Variants in HMGN2 observed in about 807,000 individuals in gnomAD.
HMGN2 encodes high mobility group nucleosomal binding domain 2.
Under a neutral mutation model 16.9 loss-of-function variants are expected in HMGN2, and 2 were observed. The observed-to-expected ratio is 0.12, with a 90% CI of 0.05 to 0.37. HMGN2 has a LOEUF of 0.37. Among genes scored for constraint, HMGN2 ranks in the 10% least tolerant of loss-of-function variants. HMGN2 has a pLI of 1.00. For synonymous variants in HMGN2, 31 were observed against 34.9 expected, an observed-to-expected ratio of 0.89 and a Z score of 0.39; for missense variants, 90 against 106.0, an observed-to-expected ratio of 0.85 and a Z score of 0.66.
In HMGN2 at chr1:26,472,696, C is replaced by T. The variant is rs562932295; in HGVS notation, c.15+69C>T. ...CACCGCCGCCGCCGCCTCCCTGGTG[C>T]AGGGAGCGAGAATCGGCGCCGAGCA... On this transcript the variant is annotated intron_variant, in intron 1 of 5. Coordinates refer to ENST00000361427, the MANE Select transcript of HMGN2 (RefSeq NM_005517.4). 823 of 1,405,692 alleles carry T rather than the reference C, an allele frequency of 5.9e-4. 5 individuals are homozygous for T. In the African/African-American group the frequency reaches 0.011, roughly 18 times the overall value. The allele number at this position is 1,405,692 out of a possible 1,614,324, so 87.1% of individuals were successfully genotyped here.
rs1291473832 is a variant in HMGN2 at position 26,474,637 on chromosome 1, T to C, written c.207T>C (p.Pro69=). The change falls in exon 5 of 6, where the codon CCT becomes CCC. Residue 69 remains proline (P), a synonymous_variant. Coordinates refer to ENST00000361427, the MANE Select transcript of HMGN2 (RefSeq NM_005517.4). ...ATGCTGGCAAGGAGGGGAATAACCC[T>C]GCAGAAAATGGAGATGCCAAAACAG... ...KADAGKEGNN[P]AENGDAKTDQ... 1 of 1,581,790 alleles carries C rather than the reference T, an allele frequency of 6.3e-7. No homozygotes were observed. The highest frequency in any genetic ancestry group is 1.7e-5 in the Admixed American group (1 of 59,572).
At position 26,476,453 on chromosome 1, in the gene HMGN2, C is replaced by T. The variant is rs754501024; in HGVS notation, c.*1305C>T. ...CTTTGCTCCTAAGTAGACCTGCAAA[C>T]AAAGACAATGGGGTCTTTCCTGATT... On this transcript the variant is annotated 3_prime_UTR_variant, in exon 6 of 6. Coordinates refer to ENST00000361427, the MANE Select transcript of HMGN2 (RefSeq NM_005517.4). Among the ~76,000 whole-genome samples the T allele has an allele frequency of 6.6e-6, 1 of 152,168 alleles. No individual in the cohort carries two copies. Among genetic ancestry groups the T allele is most frequent in the African/African-American group, 2.4e-5 (1 of 41,442 alleles).
At chr1:26,473,409 T>A in intron 1 of HMGN2, 74 bp from the exon 2 acceptor site, 2 of 1,064,558 alleles carry the variant, frequency 1.9e-6, no homozygotes. Context: ...ATTTTCATTT[T>A]TAGCACTCTA....
chr1:26,472,915 C>G (rs2075582159), intron 1 of HMGN2, among the ~76,000 whole-genome samples: 1 of 152,010 alleles, frequency 6.6e-6, no homozygotes. Flanking sequence ...TGCCCCCTCC[C>G]CCATCGCGAG....
chr1:26,473,304 T>G, intron 1 of HMGN2, 179 bp from the exon 2 acceptor site: 13 of 548,202 alleles, frequency 2.4e-5, no homozygotes, highest in South Asian at 4.8e-5. Context: ...CTTCTCGGGG[T>G]CGGCGAGCCG....
rs986381455 is a variant in HMGN2, at chr1:26,476,006, A to G, written c.*858A>G. 2 of 292,892 alleles carry G rather than the reference A, an allele frequency of 6.8e-6. No individual in the cohort carries two copies. Among genetic ancestry groups the G allele is most frequent in the African/African-American group, 4.5e-5 (2 of 44,246 alleles). The allele number at this position is 292,892 out of a possible 1,614,324, so 18.1% of individuals were successfully genotyped here. ...CTGATCTTTTCCCACAAGTGGGGTA[A>G]CCTGGTTTATCCAAGTCTCTTGGAA... is the stretch of plus-strand genomic sequence containing the variant. On this transcript the variant is annotated 3_prime_UTR_variant, in exon 6 of 6. Coordinates refer to ENST00000361427, the MANE Select transcript of HMGN2 (RefSeq NM_005517.4).
At position 26,474,576 on chromosome 1, in the gene HMGN2, G is replaced by C. The variant is rs541989218; in HGVS notation, c.146G>C (p.Gly49Ala). The change falls in exon 5 of 6, where the codon GGA (glycine) becomes GCA (alanine). Residue 49 changes from glycine (G) to alanine (A), a missense_variant. Physicochemically the swap from Gly to Ala is moderately conservative, Grantham distance 60. Coordinates refer to ENST00000361427, the MANE Select transcript of HMGN2 (RefSeq NM_005517.4). The part of the protein sequence containing the change: ...PKPKKAPAKK[G>A]EKVPKGKKGK... ...CTATTTTTTCCCCTTTTTCAGAAGGGAGAGAAGGTACCCAAAGGGAAAAAG... is the reference window on the plus strand; with the variant it reads ...CTATTTTTTCCCCTTTTTCAGAAGGCAGAGAAGGTACCCAAAGGGAAAAAG... The C allele has an allele frequency of 2.0e-6, 3 of 1,519,518 alleles. No individual in the cohort carries two copies. The highest frequency in any genetic ancestry group is 3.4e-5 in the Admixed American group (2 of 58,910). The allele number at this position is 1,519,518 out of a possible 1,614,324, so 94.1% of individuals were successfully genotyped here. A position where few individuals can be genotyped will look rare whatever the true frequency, so the allele number is the denominator to read the frequency against.
intron 5 of HMGN2, 90 bp downstream of exon 5, chr1:26,474,757 C>T: frequency 1.4e-6 from 1 of 713,876 alleles, no homozygotes; most frequent in African/African-American, 1.7e-5. Flanking sequence ...TGTATCACTC[C>T]AAATGTACCA....
chr1:26,475,068 G>T, intron 5 of HMGN2, 45 bp from the exon 6 acceptor site: 1 of 1,544,622 alleles, frequency 6.5e-7, no homozygotes, highest in Non-Finnish European at 8.9e-7. Flanking sequence ...AACACAGATA[G>T]TTTTGAAATC....
intron 1 of HMGN2, among the ~76,000 whole-genome samples, chr1:26,472,966 C>G (rs1301807021): frequency 6.6e-6 from 1 of 151,930 alleles, no homozygotes; most frequent in Non-Finnish European, 1.5e-5. Context: ...CAATTCAAAC[C>G]CGAAAGGGCG....
In HMGN2 at chr1:26,472,539, G is replaced by C; in HGVS notation, c.-74G>C. Reference sequence around the variant, plus strand: ...TGAAGAAGAGGCGAGAACGACCCCCGGACCGACCAAAGCCCGCGCGCCGCT... The same window carrying C: ...TGAAGAAGAGGCGAGAACGACCCCCCGACCGACCAAAGCCCGCGCGCCGCT... On this transcript the variant is annotated 5_prime_UTR_variant, in exon 1 of 6. Coordinates refer to ENST00000361427, the MANE Select transcript of HMGN2 (RefSeq NM_005517.4). 2 of 1,527,188 alleles carry C rather than the reference G, an allele frequency of 1.3e-6. No individual in the cohort carries two copies. Among genetic ancestry groups the C allele is most frequent in the East Asian group, 2.5e-5 (1 of 40,714 alleles). The allele number at this position is 1,527,188 out of a possible 1,614,324, so 94.6% of individuals were successfully genotyped here.
At chr1:26,473,438 A>C in intron 1 of HMGN2, 45 bp from the exon 2 acceptor site, 1 of 1,432,020 alleles carries the variant, frequency 7.0e-7, no homozygotes, top group Non-Finnish European at 9.8e-7. Flanking sequence ...GAAGTAATTA[A>C]GAACCACCTC....
In HMGN2 at chr1:26,473,509, A is replaced by C. The variant is rs747547603; in HGVS notation, c.42A>C (p.Lys14Asn). The C allele has an allele frequency of 6.2e-7, 1 of 1,613,632 alleles. No individual in the cohort carries two copies. Among genetic ancestry groups the C allele is most frequent in the Admixed American group, 1.7e-5 (1 of 60,020 alleles). The change falls in exon 2 of 6, where the codon AAA becomes AAC. Residue 14 changes from lysine (K) to asparagine (N), a missense_variant. Coordinates refer to ENST00000361427, the MANE Select transcript of HMGN2 (RefSeq NM_005517.4). ...RKAEGDAKGD[K>N]AKVKDEPQRR... ...CTGAAGGGGATGCTAAGGGAGATAA[A>C]GCAAAGGTGAAGGACGAAGTAAGTC...
chr1:26,475,903 T>G lies in HMGN2; in HGVS notation c.*755T>G. 1 of 244,896 alleles carries G rather than the reference T, an allele frequency of 4.1e-6. No homozygotes were observed. Among genetic ancestry groups the G allele is most frequent in the Non-Finnish European group, 8.4e-6 (1 of 119,462 alleles). 15.2% of individuals were successfully genotyped at this position (244,896 alleles called of 1,614,324 possible). A position where few individuals can be genotyped will look rare whatever the true frequency, so the allele number is the denominator to read the frequency against. ...TACTGTTAACGATTGTCTGCCCATG[T>G]CCTGCCTGAAATACCATGATTGTTT... On this transcript the variant is annotated 3_prime_UTR_variant, in exon 6 of 6. Coordinates refer to ENST00000361427, the MANE Select transcript of HMGN2 (RefSeq NM_005517.4).
At position 26,475,104 on chromosome 1, in the gene HMGN2, T is replaced by C. The variant is rs769645342; in HGVS notation, c.238-9T>C. 13 of 1,609,858 alleles carry C rather than the reference T, an allele frequency of 8.1e-6. No individual in the cohort carries two copies. The African/African-American group carries it at 1.3e-4, about 17-fold the overall frequency. On this transcript the variant is annotated splice_polypyrimidine_tract_variant and intron_variant, in intron 5 of 5. Coordinates refer to ENST00000361427, the MANE Select transcript of HMGN2 (RefSeq NM_005517.4). ...TACGCATTGCATTAATTTGTCTGTT[T>C]TCTTTTAGGCACAGAAAGCTGAAGG...
intron 5 of HMGN2, 173 bp from the exon 6 acceptor site, chr1:26,474,940 G>A (rs1339328886): frequency 1.9e-5 from 12 of 626,272 alleles, no homozygotes; most frequent in Non-Finnish European, 3.2e-5. Context: ...GTGAGGCCCA[G>A]AGGAGAGGTG....
At chr1:26,475,005 C>T in intron 5 of HMGN2, 108 bp from the exon 6 acceptor site, 1 of 891,604 alleles carries the variant, frequency 1.1e-6, no homozygotes, top group South Asian at 1.5e-5. Context: ...AGTCTCAGTA[C>T]CTGAAACCTG....
At position 26,475,140 on chromosome 1, in the gene HMGN2, G is replaced by C; in HGVS notation, c.265G>C (p.Ala89Pro). 1.2e-6 allele frequency: 2 copies of C among 1,606,682 alleles called. No individual in the cohort carries two copies. The highest frequency in any genetic ancestry group is 2.2e-5 in the South Asian group (2 of 90,924). Residue 89 changes from alanine to proline, a missense_variant, in exon 6 of 6, where the codon GCC (alanine) becomes CCC (proline). Physicochemically the swap from Ala to Pro is conservative, Grantham distance 27. Coordinates refer to ENST00000361427, the MANE Select transcript of HMGN2 (RefSeq NM_005517.4). ...ACAGAAAGCTGAAGGTGCTGGAGAT[G>C]CCAAGTGAAGTGTGTGCATTTTTGA... ...QAQKAEGAGD[A>P]K
At position 26,476,123 on chromosome 1, in the gene HMGN2, G is replaced by A. The variant is rs922448730; in HGVS notation, c.*975G>A. On this transcript the variant is annotated 3_prime_UTR_variant, in exon 6 of 6. Transcript: ENST00000361427. ...CAGCTTCCAAAACACACAGTGCTAG[G>A]TGCAGTTAGGAAGGATTCCAGGAGT... Among the ~76,000 whole-genome samples the A allele has an allele frequency of 3.6e-4, 55 of 152,198 alleles. No individual in the cohort carries two copies. The highest frequency in any genetic ancestry group is 6.8e-4 in the Non-Finnish European group (46 of 68,028).
Sources: allele counts gnomAD v4.1 joint callset (sites outside exome capture counted in the v4.1 genomes callset), GRCh38; gene constraint gnomAD v4.1.1; transcripts MANE v1.5; gene names NCBI Gene and HGNC (gene_info 2026-07-23, HGNC 2026-07-21).